CATSPERB: variants seen among roughly 807,000 people sequenced by gnomAD.
CATSPERB encodes the protein cation channel sperm-associated auxiliary subunit beta.
CATSPERB carries 93 observed loss-of-function variants against 128.3 expected under a neutral mutation model. The observed-to-expected ratio is 0.72, with a 90% confidence interval of 0.61 to 0.86. The LOEUF (loss-of-function observed/expected upper bound fraction) is 0.86, where lower values mean the gene tolerates loss of function less well. Among genes scored for constraint, CATSPERB ranks in the 40% least tolerant of loss-of-function variants. The pLI is 0.00. For synonymous variants in CATSPERB, 381 were observed against 448.8 expected (o/e 0.85, Z 1.91); for missense variants, 1,153 against 1,329.5 (o/e 0.87, Z 2.06).
chr14:91,606,430 G>A (rs1893704652), intron 22 of CATSPERB, among the ~76,000 whole-genome samples: 1 of 151,788 alleles, frequency 6.6e-6, no homozygotes, highest in Non-Finnish European at 1.5e-5. Context: ...GTGCGTGGTG[G>A]TGCACGCCTG....
At chr14:91,670,497 G>C (rs1415900799) in intron 13 of CATSPERB, among the ~76,000 whole-genome samples, 1 of 151,838 alleles carries the variant, frequency 6.6e-6, no homozygotes. Context: ...GGTCAACAAA[G>C]TGAGACCCAG....
intron 22 of CATSPERB, chr14:91,605,289 G>T: frequency 9.9e-7 from 1 of 1,012,058 alleles, no homozygotes. Context: ...GAGCAAGGCA[G>T]GCTTTGTGAA....
At chr14:91,721,883 C>G (rs1029115680) in intron 4 of CATSPERB, among the ~76,000 whole-genome samples, 4 of 151,280 alleles carry the variant, frequency 2.6e-5, no homozygotes, top group Non-Finnish European at 2.9e-5. Context: ...TAAAACCAAG[C>G]CTTGGTAAGG....
chr14:91,720,613 GT>G (rs1230730974), intron 4 of CATSPERB, among the ~76,000 whole-genome samples: 1 of 152,038 alleles, frequency 6.6e-6, no homozygotes, highest in Non-Finnish European at 1.5e-5. Flanking sequence ...CATCCACCCT[GT>G]TCATAGATTG....
At chr14:91,725,203 T>C in intron 2 of CATSPERB, 35 bp from the exon 3 acceptor site, 2 of 1,005,736 alleles carry the variant, frequency 2.0e-6, no homozygotes, top group Non-Finnish European at 2.8e-6. Context: ...ATTAGATCAC[T>C]GATAGAAGAC....
chr14:91,626,425 C>T lies in CATSPERB; in HGVS notation c.1743-1418G>A, dbSNP rs562864133. On this transcript the variant is annotated intron_variant, in intron 17 of 26. Coordinates refer to ENST00000256343, the MANE Select transcript of CATSPERB (RefSeq NM_024764.4). ...CTGCCGCCAGCCTGGAGTGCAGTGGCGCCATCTCAGCTCACTGCAACCTGA... is the reference window on the plus strand; with the variant it reads ...CTGCCGCCAGCCTGGAGTGCAGTGGTGCCATCTCAGCTCACTGCAACCTGA... Among the ~76,000 whole-genome samples the T allele has an allele frequency of 3.3e-5, 4 of 121,736 alleles. No homozygotes were observed. In the Admixed American group the frequency reaches 3.4e-4, roughly 10 times the overall value. The allele number at this position is 121,736 out of a possible 152,430, so 79.9% of individuals were successfully genotyped here.
rs59188433 is a variant in CATSPERB at position 91,671,616 on chromosome 14, CA to C, written c.1128+1250del. Among the ~76,000 whole-genome samples, 3 of 150,096 alleles carry C rather than the reference CA, an allele frequency of 2.0e-5. 1 individual carries two copies. The highest frequency in any genetic ancestry group is 4.4e-5 in the Non-Finnish European group (3 of 67,516). On this transcript the variant is annotated intron_variant, in intron 13 of 26. Coordinates refer to ENST00000256343, the MANE Select transcript of CATSPERB (RefSeq NM_024764.4). Reference sequence around the variant, plus strand: ...AAAAAAACCCCAAAAAACCAACCAACAAAAAAAAATCGTATCTCCTGTTTGC... The same window carrying C: ...AAAAAAACCCCAAAAAACCAACCAACAAAAAAAATCGTATCTCCTGTTTGC...
intron 19 of CATSPERB, among the ~76,000 whole-genome samples, chr14:91,618,247 G>A (rs1183267411): frequency 6.6e-6 from 1 of 152,092 alleles, no homozygotes; most frequent in Non-Finnish European, 1.5e-5. Context: ...GTTTTGGTGG[G>A]TTTTGCCCAG....
In CATSPERB at chr14:91,722,534, T is replaced by G. The variant is rs79335881; in HGVS notation, c.309+515A>C. Among the ~76,000 whole-genome samples, 470 of 152,288 alleles carry G rather than the reference T, an allele frequency of 3.1e-3. 3 individuals carry two copies. The highest frequency in any genetic ancestry group is 0.01 in the African/African-American group (425 of 41,576). On this transcript the variant is annotated intron_variant, in intron 4 of 26. Transcript: ENST00000256343. ...GGAGTGACTGCTAATAGTTATAGAT[T>G]GTCACTTTCATCACTTTTGGAGTGA...
chr14:91,621,742 C>A lies in CATSPERB; in HGVS notation c.2126G>T (p.Arg709Leu). The A allele has an allele frequency of 6.2e-7, 1 of 1,614,044 alleles. No individual in the cohort carries two copies. Among genetic ancestry groups the A allele is most frequent in the Non-Finnish European group, 8.5e-7 (1 of 1,179,948 alleles). The change falls in exon 19 of 27, where the codon CGA (arginine) becomes CTA (leucine). Residue 709 changes from arginine to leucine, a missense_variant. Coordinates refer to ENST00000256343, the MANE Select transcript of CATSPERB (RefSeq NM_024764.4). Reference sequence around the variant, plus strand: ...TGGTTTTGAATATATTTTCCATGTTCGTCCATTCCTTTGCCCAAAGTTGTA... The same window carrying A: ...TGGTTTTGAATATATTTTCCATGTTAGTCCATTCCTTTGCCCAAAGTTGTA... ...FLYNFGQRNG[R>L]TWKIYSKPCN...
At chr14:91,609,351 T>C (rs866737732) in intron 21 of CATSPERB, among the ~76,000 whole-genome samples, 9 of 152,198 alleles carry the variant, frequency 5.9e-5, no homozygotes, top group Non-Finnish European at 1.0e-4. Flanking sequence ...TTATTGTGAA[T>C]TGCAATTTAC....
At chr14:91,616,011 C>T (rs922172819) in intron 20 of CATSPERB, among the ~76,000 whole-genome samples, 1 of 151,892 alleles carries the variant, frequency 6.6e-6, no homozygotes, top group African/African-American at 2.4e-5. Context: ...TCCCGAGTAG[C>T]TGGGATTACA....
rs1028505808 is a variant in CATSPERB, at chr14:91,594,605, A to C, written c.2710-2603T>G. Among the ~76,000 whole-genome samples, 9 of 152,336 alleles carry C rather than the reference A, an allele frequency of 5.9e-5. No individual in the cohort carries two copies. In the East Asian group the frequency reaches 1.7e-3, roughly 29 times the overall value. On this transcript the variant is annotated intron_variant, in intron 22 of 26. Transcript: ENST00000256343. The stretch of plus-strand genomic sequence containing the variant: ...TTTTGTAAATTGTAAATTCTTTTGT[A>C]AATTGCCCAGTCTTGGGTATGTCTT...
chr14:91,598,256 T>A (rs1475213206), intron 22 of CATSPERB, among the ~76,000 whole-genome samples: 4 of 151,946 alleles, frequency 2.6e-5, no homozygotes, highest in Non-Finnish European at 4.4e-5. Flanking sequence ...GTTTTATATA[T>A]AACCTTTAAA....
chr14:91,709,838 G>A (rs927021897), intron 5 of CATSPERB: 2 of 152,142 alleles, frequency 1.3e-5, no homozygotes, highest in African/African-American at 4.8e-5. Context: ...TTATGTGTTT[G>A]AGTCTTTTAT....
At chr14:91,641,167 T>A (rs939974543) in intron 15 of CATSPERB, among the ~76,000 whole-genome samples, 3 of 148,800 alleles carry the variant, frequency 2.0e-5, no homozygotes, top group Non-Finnish European at 4.5e-5. Context: ...TTGTGAAAAT[T>A]TTCTCCCATT....
intron 14 of CATSPERB, among the ~76,000 whole-genome samples, chr14:91,667,321 A>G (rs1895003527): frequency 6.6e-6 from 1 of 152,048 alleles, no homozygotes; most frequent in Non-Finnish European, 1.5e-5. Context: ...AGGAGAGAGG[A>G]GAACAGCAGC....
At chr14:91,711,432 T>C (rs1895838108) in intron 5 of CATSPERB, among the ~76,000 whole-genome samples, 1 of 152,128 alleles carries the variant, frequency 6.6e-6, no homozygotes, top group African/African-American at 2.4e-5. Context: ...GTTTTCACCA[T>C]ATTGGCCAGG....
intron 20 of CATSPERB, among the ~76,000 whole-genome samples, chr14:91,616,373 G>GT (rs542084536): frequency 1.3e-5 from 2 of 151,868 alleles, no homozygotes; most frequent in Non-Finnish European, 2.9e-5. Context: ...CATTTATTCC[G>GT]TATCTGTCTC....
Sources: gnomAD v4.1 joint callset for allele counts (sites outside exome capture counted in the v4.1 genomes callset) on GRCh38, gnomAD v4.1.1 for gene constraint, MANE v1.5 for transcripts, NCBI Gene and HGNC (gene_info 2026-07-23, HGNC 2026-07-21) for gene names.